The following CCDC171 variants were observed in gnomAD, a reference collection of about 807,000 sequenced individuals.
CCDC171 encodes the protein coiled-coil domain containing 171, also known as coiled-coil domain-containing protein 171.
A neutral mutation model predicts 168.2 loss-of-function variants in CCDC171; 177 were observed. The ratio of observed to expected loss-of-function variants is 1.05; its 90% CI spans 0.93 to 1.19. CCDC171 has a LOEUF of 1.19. Ranked by LOEUF, CCDC171 falls within the 50% of genes most tolerant of loss-of-function variation. CCDC171 has a pLI of 0.00. For synonymous variants in CCDC171, 687 were observed against 540.8 expected (o/e 1.27, Z -3.75); for missense variants, 1,991 against 1,539.0 (o/e 1.29, Z -4.91).
chr9:15,669,038 T>C (rs558441182), intron 9 of CCDC171, among the ~76,000 whole-genome samples: 1 of 152,308 alleles, frequency 6.6e-6, no homozygotes, highest in East Asian at 1.9e-4. Context: ...TTATCATGCT[T>C]GAACCTGCCA....
upstream of CCDC171, among the ~76,000 whole-genome samples, chr9:16,037,996 A>C (rs1023264156): frequency 2.6e-5 from 4 of 152,204 alleles, no homozygotes; most frequent in African/African-American, 9.6e-5. Context: ...TTCAAACTTC[A>C]AGTCCACTAT....
chr9:15,600,304 A>G (rs373803498), intron 6 of CCDC171, among the ~76,000 whole-genome samples: 1 of 152,092 alleles, frequency 6.6e-6, no homozygotes, highest in Admixed American at 6.5e-5. Context: ...TGATGTACAG[A>G]TGGGGTTTTG....
intron 10 of CCDC171, among the ~76,000 whole-genome samples, chr9:15,683,322 G>A (rs1416045103): frequency 2.0e-5 from 3 of 151,878 alleles, no homozygotes; most frequent in African/African-American, 7.2e-5. Context: ...TGCTTTGATG[G>A]TTATGCTTTG....
intron 7 of CCDC171, among the ~76,000 whole-genome samples, chr9:15,626,965 A>T (rs957179316): frequency 7.9e-5 from 12 of 152,220 alleles, no homozygotes; most frequent in African/African-American, 2.9e-4. Flanking sequence ...TTTGGTTTGT[A>T]GGCTATTAAT....
chr9:15,700,165 G>T lies in CCDC171; in HGVS notation c.1318+4828G>T, dbSNP rs188492828. On this transcript the variant is annotated intron_variant, in intron 11 of 25. Transcript: ENST00000380701. ...GGGTGGGAGGCAGGCATGGCGGGCT[G>T]CAGGTGCTGAGCCCTGCCCCACGGG... Among the ~76,000 whole-genome samples the T allele has an allele frequency of 3.5e-3, 528 of 152,352 alleles. 1 individual carries two copies. The highest frequency in any genetic ancestry group is 6.2e-3 in the Non-Finnish European group (421 of 68,016).
At chr9:15,926,726 C>T (rs760015914) in intron 25 of CCDC171, among the ~76,000 whole-genome samples, 1 of 151,610 alleles carries the variant, frequency 6.6e-6, no homozygotes, top group Non-Finnish European at 1.5e-5. Flanking sequence ...AACAAAGACA[C>T]AGTGTCTGGC....
intron 1 of CCDC171, chr9:15,553,613 C>T (rs1379820092): frequency 1.3e-5 from 2 of 152,216 alleles, no homozygotes; most frequent in Non-Finnish European, 2.9e-5. Context: ...ATCAGTAAGC[C>T]CCTCGAGGAT....
rs550943674 is a variant in CCDC171, at chr9:15,780,346, G to A, written c.3081+1196G>A. ...AACTTTTTTTTTTCTAATTATGAAAGTTATACATGACAACCTTAAGTAAAA... is the reference window on the plus strand; with the variant it reads ...AACTTTTTTTTTTCTAATTATGAAAATTATACATGACAACCTTAAGTAAAA... On this transcript the variant is annotated intron_variant, in intron 20 of 25. Transcript: ENST00000380701. 2.6e-4 allele frequency among the ~76,000 whole-genome samples: 39 copies of A among 151,650 alleles called. 1 individual carries two copies. In the South Asian group the frequency reaches 7.1e-3, roughly 28 times the overall value.
At position 16,033,369 on chromosome 9, in the gene CCDC171, T is replaced by C. The variant is rs1274069212; in HGVS notation, n.999-2088T>C. Among the ~76,000 whole-genome samples the C allele has an allele frequency of 1.5e-4, 23 of 152,310 alleles. No homozygotes were observed. The East Asian group carries it at 3.3e-3, about 22-fold the overall frequency. The stretch of plus-strand genomic sequence containing the variant: ...TACAGCCACTCTCCATCGCTCACAT[T>C]ACGGCCCGAGCTCCACCTCCTATCA... On this transcript the variant is annotated intron_variant and non_coding_transcript_variant, in intron 6 of 9. Coordinates refer to the CCDC171 transcript ENST00000486641.
intron 6 of CCDC171, among the ~76,000 whole-genome samples, chr9:15,612,164 T>G (rs1006309412): frequency 2.6e-5 from 4 of 152,228 alleles, no homozygotes; most frequent in African/African-American, 9.6e-5. Flanking sequence ...CTGCCTAGTT[T>G]ATGGTATATC....
chr9:15,970,888 C>T (rs1831293886), intron 25 of CCDC171, among the ~76,000 whole-genome samples: 1 of 152,124 alleles, frequency 6.6e-6, no homozygotes, highest in Admixed American at 6.6e-5. Flanking sequence ...GAAGAACTAC[C>T]AGTCGGGGAC....
intron 21 of CCDC171, among the ~76,000 whole-genome samples, chr9:15,795,934 G>C (rs1277188582): frequency 1.3e-5 from 2 of 152,140 alleles, no homozygotes; most frequent in East Asian, 3.8e-4. Context: ...AGAAGGAAAC[G>C]TGAAAATGTT....
intron 21 of CCDC171, among the ~76,000 whole-genome samples, chr9:15,796,846 C>CAGAT (rs2058581428): frequency 6.6e-6 from 1 of 152,192 alleles, no homozygotes; most frequent in Non-Finnish European, 1.5e-5. Flanking sequence ...GGAGAGCCTA[C>CAGAT]AGATTCCCCT....
rs2059578184 is a variant in CCDC171 at position 15,816,841 on chromosome 9, A to C, written c.3268-29861A>C. Among the ~76,000 whole-genome samples the C allele has an allele frequency of 1.7e-5, 2 of 118,674 alleles. 1 individual carries two copies. Among genetic ancestry groups the C allele is most frequent in the African/African-American group, 6.3e-5 (2 of 31,618 alleles). 77.9% of individuals were successfully genotyped at this position (118,674 alleles called of 152,430 possible). On this transcript the variant is annotated intron_variant, in intron 21 of 25. Transcript: ENST00000380701. ...ATATTCTGTTTCATGAATGTGCTAA[A>C]ATGTATTTAACTATTTTCTTGTTGG...
At chr9:15,962,205 A>G (rs532837441) in intron 25 of CCDC171, among the ~76,000 whole-genome samples, 4 of 152,196 alleles carry the variant, frequency 2.6e-5, no homozygotes, top group Non-Finnish European at 4.4e-5. Context: ...GAAAGCATGA[A>G]ATACTTATCT....
chr9:16,020,304 C>G (rs1833127187), intron 3 of CCDC171, among the ~76,000 whole-genome samples: 1 of 152,280 alleles, frequency 6.6e-6, no homozygotes, highest in African/African-American at 2.4e-5. Context: ...CAAGATATCT[C>G]ATTATATATA....
intron 7 of CCDC171, among the ~76,000 whole-genome samples, chr9:15,646,283 C>G (rs1166672983): frequency 2.6e-5 from 4 of 152,154 alleles, no homozygotes; most frequent in African/African-American, 4.8e-5. Flanking sequence ...ATACGAGCCC[C>G]TGCAAAAATA....
chr9:15,645,136 T>C (rs898883513), intron 7 of CCDC171, among the ~76,000 whole-genome samples: 8 of 152,370 alleles, frequency 5.3e-5, no homozygotes, highest in Non-Finnish European at 1.2e-4. Context: ...ACACAGGGTC[T>C]GGAGTGGACC....
chr9:15,739,507 A>G (rs1388819905), intron 16 of CCDC171, among the ~76,000 whole-genome samples: 1 of 152,182 alleles, frequency 6.6e-6, no homozygotes, highest in East Asian at 1.9e-4. Context: ...TAACTTCTCT[A>G]AACCTCAATT....
Sources: allele counts gnomAD v4.1 joint callset (sites outside exome capture counted in the v4.1 genomes callset), GRCh38; gene constraint gnomAD v4.1.1; transcripts MANE v1.5; gene names NCBI Gene and HGNC (gene_info 2026-07-23, HGNC 2026-07-21).